MYO3A: variants seen among roughly 807,000 people sequenced by gnomAD.
The protein encoded by MYO3A is myosin IIIA.
MYO3A carries 180 observed loss-of-function variants against 192.7 expected under a neutral mutation model. That is an observed-to-expected ratio of 0.93 (90% CI 0.83 to 1.06). The LOEUF (loss-of-function observed/expected upper bound fraction) is 1.06, where lower values mean the gene tolerates loss of function less well. MYO3A is among the 50% of genes least tolerant of loss of function. The pLI, the probability that MYO3A is intolerant of heterozygous loss-of-function variation, is 0.00. For missense variants in MYO3A, 1,896 were observed against 1,905.0 expected (o/e 1.00, Z 0.09); for synonymous variants, 628 against 645.3 (o/e 0.97, Z 0.41).
At chr10:26,002,782 T>C (rs1840927310) in intron 6 of MYO3A, among the ~76,000 whole-genome samples, 1 of 152,168 alleles carries the variant, frequency 6.6e-6, no homozygotes, top group Non-Finnish European at 1.5e-5. Context: ...CATACTGACA[T>C]ATTGATTCTT....
At position 26,168,877 on chromosome 10, in the gene MYO3A, A is replaced by T. The variant is rs1564616172; in HGVS notation, c.3274+3A>T. On this transcript the variant is annotated splice_donor_region_variant and intron_variant, in intron 28 of 34. Transcript: ENST00000642920. ...AAGCGCTATAATAATACAGTCAGGTAATCTCTTTGACATATTTAGATATGG... is the reference window on the plus strand; with the variant it reads ...AAGCGCTATAATAATACAGTCAGGTTATCTCTTTGACATATTTAGATATGG... The T allele has an allele frequency of 1.2e-6, 2 of 1,606,558 alleles. No individual in the cohort carries two copies. Among genetic ancestry groups the T allele is most frequent in the Non-Finnish European group, 8.5e-7 (1 of 1,175,968 alleles).
At chr10:26,080,400 C>A (rs1285476446) in intron 14 of MYO3A, among the ~76,000 whole-genome samples, 1 of 152,022 alleles carries the variant, frequency 6.6e-6, no homozygotes, top group Non-Finnish European at 1.5e-5. Flanking sequence ...TTTAAGCTAT[C>A]TATTTCCTTG....
At chr10:25,961,308 A>C in intron 4 of MYO3A, among the ~76,000 whole-genome samples, 1 of 152,100 alleles carries the variant, frequency 6.6e-6, no homozygotes, top group East Asian at 1.9e-4. Context: ...ATGCCTATTA[A>C]ATCCCTATTC....
intron 4 of MYO3A, among the ~76,000 whole-genome samples, chr10:25,996,100 G>C (rs1313824762): frequency 6.6e-6 from 1 of 152,234 alleles, no homozygotes; most frequent in Non-Finnish European, 1.5e-5. Context: ...TGCCCCCACA[G>C]GTGGAGTCTA....
intron 7 of MYO3A, among the ~76,000 whole-genome samples, chr10:26,021,112 C>T (rs991783194): frequency 6.6e-6 from 1 of 152,146 alleles, no homozygotes; most frequent in Non-Finnish European, 1.5e-5. Context: ...TTTAATTCTT[C>T]AAAAACATAG....
chr10:25,982,943 G>T (rs1588700515), intron 4 of MYO3A, among the ~76,000 whole-genome samples: 1 of 152,028 alleles, frequency 6.6e-6, no homozygotes, highest in Non-Finnish European at 1.5e-5. Flanking sequence ...AAACCAAGAT[G>T]AAATCTCTGA....
intron 26 of MYO3A, among the ~76,000 whole-genome samples, chr10:26,165,280 A>G (rs1841685101): frequency 6.6e-6 from 1 of 152,194 alleles, no homozygotes; most frequent in Non-Finnish European, 1.5e-5. Flanking sequence ...TTGAAATTCA[A>G]AACCTACCAA....
intron 4 of MYO3A, among the ~76,000 whole-genome samples, chr10:25,957,364 C>T (rs567536601): frequency 1.2e-4 from 19 of 152,256 alleles, no homozygotes; most frequent in African/African-American, 4.6e-4. Context: ...GTGACTTGCT[C>T]CCCATTGCCT....
At chr10:26,004,189 C>G (rs1367438801) in intron 6 of MYO3A, among the ~76,000 whole-genome samples, 1 of 152,070 alleles carries the variant, frequency 6.6e-6, no homozygotes, top group South Asian at 2.1e-4. Flanking sequence ...GAAGCACATC[C>G]ATGTAGGGTG....
At chr10:26,164,668 G>C (rs1202587517) in intron 26 of MYO3A, among the ~76,000 whole-genome samples, 1 of 152,194 alleles carries the variant, frequency 6.6e-6, no homozygotes, top group South Asian at 2.1e-4. Flanking sequence ...GGAGCCGACT[G>C]TGAAGATTTT....
In MYO3A at chr10:26,193,320, C is replaced by T. The variant is rs772070462; in HGVS notation, c.4545+9C>T. 1 of 1,583,604 alleles carries T rather than the reference C, an allele frequency of 6.3e-7. No homozygotes were observed. The highest frequency in any genetic ancestry group is 1.1e-5 in the South Asian group (1 of 90,248). On this transcript the variant is annotated intron_variant, in intron 32 of 34. Coordinates refer to ENST00000642920, the MANE Select transcript of MYO3A (RefSeq NM_017433.5). The stretch of plus-strand genomic sequence containing the variant: ...ACTATTATCTACTTCATGTAAGTGG[C>T]TCACTCTTACTATCAGATGGGAGCC...
At chr10:25,997,314 G>T in intron 6 of MYO3A, 56 bp downstream of exon 6, 1 of 1,309,820 alleles carries the variant, frequency 7.6e-7, no homozygotes, top group South Asian at 1.2e-5. Flanking sequence ...AGTATGATAT[G>T]ATTTGATCTT....
intron 10 of MYO3A, among the ~76,000 whole-genome samples, chr10:26,059,518 A>G (rs575751244): frequency 2.6e-5 from 4 of 152,310 alleles, no homozygotes; most frequent in African/African-American, 7.2e-5. Flanking sequence ...CCACCCCTAC[A>G]TACAAACACT....
chr10:26,192,448 G>A (rs1009381686), intron 31 of MYO3A, among the ~76,000 whole-genome samples: 1 of 152,064 alleles, frequency 6.6e-6, no homozygotes, highest in African/African-American at 2.4e-5. Flanking sequence ...TGGATAGACG[G>A]GTCACTGCGT....
chr10:26,202,934 G>T lies in MYO3A; in HGVS notation c.4587-30G>T, dbSNP rs115252307. 2,613 of 1,611,004 alleles carry T rather than the reference G, an allele frequency of 1.6e-3. 33 individuals are homozygous for T. In the African/African-American group the frequency reaches 0.028, roughly 17 times the overall value. On this transcript the variant is annotated intron_variant, in intron 33 of 34. Coordinates refer to ENST00000642920, the MANE Select transcript of MYO3A (RefSeq NM_017433.5). The stretch of plus-strand genomic sequence containing the variant: ...TAAGTGAGTAGAAAATTAGATTGAT[G>T]CAATGGTGTGTTTATGTGTTCATTT...
At chr10:25,969,584 C>T (rs979036078) in intron 4 of MYO3A, among the ~76,000 whole-genome samples, 3 of 152,052 alleles carry the variant, frequency 2.0e-5, no homozygotes, top group African/African-American at 7.2e-5. Flanking sequence ...TGAAGTATAG[C>T]TAATAAGCTA....
At chr10:25,995,788 G>A (rs567461334) in intron 4 of MYO3A, among the ~76,000 whole-genome samples, 14 of 152,280 alleles carry the variant, frequency 9.2e-5, no homozygotes, top group Non-Finnish European at 4.4e-5. Context: ...TGTTTGCCTG[G>A]GTATCAGCAG....
intron 4 of MYO3A, among the ~76,000 whole-genome samples, chr10:25,994,623 G>A (rs1333692291): frequency 6.6e-6 from 1 of 152,164 alleles, no homozygotes; most frequent in Non-Finnish European, 1.5e-5. Flanking sequence ...TTTACAACTT[G>A]GCATGTTTTT....
chr10:26,150,467 T>C (rs916113862), intron 23 of MYO3A, among the ~76,000 whole-genome samples: 1 of 152,234 alleles, frequency 6.6e-6, no homozygotes, highest in African/African-American at 2.4e-5. Flanking sequence ...GAAGGATGTT[T>C]TGTGAGGTTT....
Sources: gnomAD v4.1 joint callset for allele counts (sites outside exome capture counted in the v4.1 genomes callset) on GRCh38, gnomAD v4.1.1 for gene constraint, MANE v1.5 for transcripts, NCBI Gene and HGNC (gene_info 2026-07-23, HGNC 2026-07-21) for gene names.